GOLGA2: variants seen among roughly 807,000 people sequenced by gnomAD.
The protein encoded by GOLGA2 is golgin A2.
Under a neutral mutation model 148.8 loss-of-function variants are expected in GOLGA2, and 49 were observed. The observed-to-expected ratio is 0.33, with a 90% CI of 0.26 to 0.42. GOLGA2 has a LOEUF of 0.42. Among genes scored for constraint, GOLGA2 ranks in the 10% least tolerant of loss-of-function variants. The pLI is 1.00. For synonymous variants in GOLGA2, 501 were observed against 511.8 expected, an observed-to-expected ratio of 0.98 and a Z score of 0.28; for missense variants, 1,178 against 1,304.6, an observed-to-expected ratio of 0.90 and a Z score of 1.49.
At position 128,273,878 on chromosome 9, in the gene GOLGA2, G is replaced by A; in HGVS notation, c.179C>T (p.Thr60Ile). 2 of 1,614,148 alleles carry A rather than the reference G, an allele frequency of 1.2e-6. No homozygotes were observed. The highest frequency in any genetic ancestry group is 1.7e-6 in the Non-Finnish European group (2 of 1,179,980). The change falls in exon 2 of 27, where the codon ACT becomes ATT. Residue 60 changes from threonine to isoleucine, a missense_variant. Transcript: ENST00000611957. The stretch of plus-strand genomic sequence containing the variant: ...CTCAGGTGAGTGGCAACCACCAGAA[G>A]TGGTTGTCTCAGGGTTACTGCCATT... ...IKNGSNPETT[T>I]SGGCHSPEDI...
chr9:128,272,622 C>A (rs1831023308), intron 3 of GOLGA2, among the ~76,000 whole-genome samples, 163 bp downstream of exon 3: 1 of 152,050 alleles, frequency 6.6e-6, no homozygotes, highest in Non-Finnish European at 1.5e-5. Flanking sequence ...AGAATAAAAA[C>A]CCAATCAATC....
intron 1 of GOLGA2, among the ~76,000 whole-genome samples, chr9:128,274,870 G>A (rs533028917): frequency 3.9e-5 from 6 of 152,308 alleles, no homozygotes; most frequent in Non-Finnish European, 8.8e-5. Flanking sequence ...AAGTACCCCA[G>A]GTTGAGATGA....
intron 4 of GOLGA2, 91 bp from the exon 5 acceptor site, chr9:128,268,251 CA>C: frequency 1.6e-6 from 2 of 1,234,154 alleles, no homozygotes; most frequent in Non-Finnish European, 2.4e-6. Context: ...CTCATTCTAA[CA>C]ATCTTCAATC....
intron 2 of GOLGA2, among the ~76,000 whole-genome samples, chr9:128,273,453 C>T (rs1831082644): frequency 1.3e-5 from 2 of 152,294 alleles, no homozygotes; most frequent in East Asian, 1.9e-4. Flanking sequence ...CTTTCAGTGA[C>T]TCCTAAAGGG....
At chr9:128,275,241 G>C in intron 1 of GOLGA2, 1 of 596,468 alleles carries the variant, frequency 1.7e-6, no homozygotes, top group East Asian at 3.3e-5. Context: ...GGAAATTTAT[G>C]CTGTGACCAG....
At chr9:128,263,145 C>T (rs1830379216) in intron 12 of GOLGA2, 53 bp from the exon 13 acceptor site, 1 of 1,102,234 alleles carries the variant, frequency 9.1e-7, no homozygotes, top group Non-Finnish European at 1.4e-6. Context: ...GAGCAGCTGG[C>T]CAACCAGTAA....
Position 128,260,169 on chromosome 9 carries a change from G to C in GOLGA2, c.1779C>G (p.Ile593Met). 6.2e-7 allele frequency: 1 copy of C among 1,607,986 alleles called. No homozygotes were observed. The highest frequency in any genetic ancestry group is 8.5e-7 in the Non-Finnish European group (1 of 1,178,692). ...FVKLTNENME[I>M]TSALQSEQHV... ...GCTGCTCCGACTGCAGTGCGCTGGT[G>C]ATCTCCATGTTCTCATTAGTCTGGA... Residue 593 changes from isoleucine to methionine, a missense_variant, in exon 19 of 27, where the codon ATC becomes ATG. Around this residue, in one of 5 missense-constraint regions of GOLGA2, gnomAD observed 529 missense variants for 521.8 expected, o/e 1.01. Coordinates refer to ENST00000611957, the MANE Select transcript of GOLGA2 (RefSeq NM_001366244.2). This position sits in a 1 kb window ranked among gnomAD's most constrained non-coding sequence, Gnocchi z 4.8.
chr9:128,274,737 G>T lies in GOLGA2; in HGVS notation c.85-765C>A, dbSNP rs889313827. ...CAAGCCTCATTTCAGAGAAAAGTCT[G>T]GTATACTCTTAGAAATTTATGTGAC... On this transcript the variant is annotated intron_variant, in intron 1 of 26. Coordinates refer to ENST00000611957, the MANE Select transcript of GOLGA2 (RefSeq NM_001366244.2). 3.3e-5 allele frequency among the ~76,000 whole-genome samples: 5 copies of T among 152,136 alleles called. No individual in the cohort carries two copies. The East Asian group carries it at 9.6e-4, about 29-fold the overall frequency.
chr9:128,261,036 T>C lies in GOLGA2; in HGVS notation c.1420+136A>G. On this transcript the variant is annotated intron_variant, in intron 17 of 26. Coordinates refer to ENST00000611957, the MANE Select transcript of GOLGA2 (RefSeq NM_001366244.2). The surrounding 1 kb of genome is among the most constrained non-coding windows in gnomAD (Gnocchi z 5.7). ...TGAGGCTCATGGAGATGACGAGACTTGCCATCTCCTGGCACAGACCTCTTT... is the reference window on the plus strand; with the variant it reads ...TGAGGCTCATGGAGATGACGAGACTCGCCATCTCCTGGCACAGACCTCTTT... The C allele has an allele frequency of 1.4e-6, 1 of 740,428 alleles. No homozygotes were observed. Among genetic ancestry groups the C allele is most frequent in the Non-Finnish European group, 2.4e-6 (1 of 414,838 alleles). The allele number at this position is 740,428 out of a possible 1,614,324, so 45.9% of individuals were successfully genotyped here. A position where few individuals can be genotyped will look rare whatever the true frequency, so the allele number is the denominator to read the frequency against.
intron 6 of GOLGA2, 39 bp from the exon 7 acceptor site, chr9:128,267,556 C>T (rs761372249): frequency 6.8e-7 from 1 of 1,477,762 alleles, no homozygotes; most frequent in East Asian, 2.3e-5. Flanking sequence ...TGTTCTGTCC[C>T]CTCAGTGTCT....
Position 128,260,186 on chromosome 9 carries a change from T to C in GOLGA2, c.1762A>G (p.Asn588Asp), listed in dbSNP as rs1227009397. The change falls in exon 19 of 27, where the codon AAT becomes GAT. Residue 588 changes from asparagine to aspartate, a missense_variant. Physicochemically the swap from Asn to Asp is conservative, Grantham distance 23. Around this residue, in one of 5 missense-constraint regions of GOLGA2, gnomAD observed 529 missense variants for 521.8 expected, o/e 1.01. Transcript: ENST00000611957. The surrounding 1 kb of genome is among the most constrained non-coding windows in gnomAD (Gnocchi z 4.8). ...GCGCTGGTGATCTCCATGTTCTCATTAGTCTGGACAGAGAGAAGCAATCAG... is the reference window on the plus strand; with the variant it reads ...GCGCTGGTGATCTCCATGTTCTCATCAGTCTGGACAGAGAGAAGCAATCAG... Reference protein sequence around the residue: ...ELQSGFVKLTNENMEITSALQ... With the variant: ...ELQSGFVKLTDENMEITSALQ... 1 of 1,601,434 alleles carries C rather than the reference T, an allele frequency of 6.2e-7. No homozygotes were observed. Among genetic ancestry groups the C allele is most frequent in the East Asian group, 2.2e-5 (1 of 44,856 alleles).
In GOLGA2 at chr9:128,265,552, A is replaced by G. The variant is rs543650792; in HGVS notation, c.933+33T>C. 6.6e-5 allele frequency: 96 copies of G among 1,459,234 alleles called. No homozygotes were observed. The South Asian group carries it at 9.4e-4, about 14-fold the overall frequency. 90.4% of individuals were successfully genotyped at this position (1,459,234 alleles called of 1,614,324 possible). A position where few individuals can be genotyped will look rare whatever the true frequency, so the allele number is the denominator to read the frequency against. ...TCACTCCTCCATCTGGGAAGCCAGT[A>G]TGCCAGGGGACGGGGCAGGCAGTTG... On this transcript the variant is annotated intron_variant, in intron 12 of 26. Transcript: ENST00000611957.
chr9:128,267,856 CTCTT>C, intron 6 of GOLGA2, 74 bp downstream of exon 6: 1 of 1,176,440 alleles, frequency 8.5e-7, no homozygotes, highest in African/African-American at 1.5e-5. Context: ...TCTTCCCTCT[CTCTT>C]GTGAATCCCT....
At position 128,261,767 on chromosome 9, in the gene GOLGA2, G is replaced by A; in HGVS notation, c.1135-10C>T. 1 of 1,589,358 alleles carries A rather than the reference G, an allele frequency of 6.3e-7. No individual in the cohort carries two copies. Among genetic ancestry groups the A allele is most frequent in the South Asian group, 1.1e-5 (1 of 90,596 alleles). On this transcript the variant is annotated splice_polypyrimidine_tract_variant and intron_variant, in intron 14 of 26. Transcript: ENST00000611957. This position sits in a 1 kb window ranked among gnomAD's most constrained non-coding sequence, Gnocchi z 5.7. ...CACACCGGCTTGAAAACTGGATGGT[G>A]AAGAGCGAGAAGTTTAGATCTGGGG...
chr9:128,259,163 T>G lies in GOLGA2; in HGVS notation c.2097+4A>C, dbSNP rs1309977101. On this transcript the variant is annotated splice_donor_region_variant and intron_variant, in intron 20 of 26. Coordinates refer to ENST00000611957, the MANE Select transcript of GOLGA2 (RefSeq NM_001366244.2). ...CGGGGCCCTGCCCTCACCAACTCCC[T>G]CACCTGGGTTTCCTGCAACTCTTGG... 1 of 1,603,852 alleles carries G rather than the reference T, an allele frequency of 6.2e-7. No homozygotes were observed. The highest frequency in any genetic ancestry group is 1.1e-5 in the South Asian group (1 of 89,976).
Position 128,257,275 on chromosome 9 carries a change from C to A in GOLGA2, c.2882G>T (p.Cys961Phe). 10 of 1,612,832 alleles carry A rather than the reference C, an allele frequency of 6.2e-6. No individual in the cohort carries two copies. Among genetic ancestry groups the A allele is most frequent in the Non-Finnish European group, 8.5e-6 (10 of 1,179,744 alleles). The change falls in exon 27 of 27, where the codon TGC becomes TTC. Residue 961 changes from cysteine (C) to phenylalanine (F), a missense_variant. Physicochemically the swap from Cys to Phe is radical, Grantham distance 205. Transcript: ENST00000611957. The surrounding 1 kb of genome is among the most constrained non-coding windows in gnomAD (Gnocchi z 8.0). ...LGAANQQGDL[C>F]EVSLAGSVEP... ...CACACTGCCGGCGAGGCTCACCTCG[C>A]AAAGATCTTTGGAGAGAGAGAGGCA...
rs989876646 is a variant in GOLGA2, at chr9:128,267,156, T to C, written c.642+38A>G. On this transcript the variant is annotated intron_variant, in intron 8 of 26. Transcript: ENST00000611957. ...CCAAGGGGAAACTGGAGCCCAGGAT[T>C]AGCAGCATGGAATCAGGGGACCCCA... The C allele has an allele frequency of 3.1e-6, 4 of 1,276,944 alleles. No homozygotes were observed. The Admixed American group carries it at 6.7e-5, about 21-fold the overall frequency. The allele number at this position is 1,276,944 out of a possible 1,614,324, so 79.1% of individuals were successfully genotyped here. A position where few individuals can be genotyped will look rare whatever the true frequency, so the allele number is the denominator to read the frequency against.
At position 128,266,224 on chromosome 9, in the gene GOLGA2, C is replaced by T; in HGVS notation, c.681+63G>A. On this transcript the variant is annotated intron_variant, in intron 9 of 26. Coordinates refer to ENST00000611957, the MANE Select transcript of GOLGA2 (RefSeq NM_001366244.2). This position sits in a 1 kb window ranked among gnomAD's most constrained non-coding sequence, Gnocchi z 4.2. ...AGTGGGTGAGACGAGACTGAGGCCT[C>T]TACATTTGAATGCCCCCCAAACCCA... The T allele has an allele frequency of 6.7e-7, 1 of 1,483,660 alleles. No individual in the cohort carries two copies. The highest frequency in any genetic ancestry group is 9.4e-7 in the Non-Finnish European group (1 of 1,061,944). The allele number at this position is 1,483,660 out of a possible 1,614,324, so 91.9% of individuals were successfully genotyped here. A position where few individuals can be genotyped will look rare whatever the true frequency, so the allele number is the denominator to read the frequency against.
Position 128,257,672 on chromosome 9 carries a change from C to T in GOLGA2, c.2647G>A (p.Val883Met), listed in dbSNP as rs1829972999. The T allele has an allele frequency of 6.2e-7, 1 of 1,614,190 alleles. No homozygotes were observed. The highest frequency in any genetic ancestry group is 8.5e-7 in the Non-Finnish European group (1 of 1,180,014). The change falls in exon 25 of 27, where the codon GTG becomes ATG. Residue 883 changes from valine to methionine, a missense_variant. Val to Met is a conservative substitution (Grantham distance 21, BLOSUM62 1). Around this residue, in one of 5 missense-constraint regions of GOLGA2, gnomAD observed 38 missense variants for 67.3 expected, o/e 0.56. Coordinates refer to ENST00000611957, the MANE Select transcript of GOLGA2 (RefSeq NM_001366244.2). The surrounding 1 kb of genome is among the most constrained non-coding windows in gnomAD (Gnocchi z 8.0). ...YIALYQSQRA[V>M]LKERHREKEE... Reference sequence around the variant, plus strand: ...TTCTCCCGGTGCCGCTCCTTCAGCACTGCCCTCTGGCTCTGGTACAGTGCA... The same window carrying T: ...TTCTCCCGGTGCCGCTCCTTCAGCATTGCCCTCTGGCTCTGGTACAGTGCA...
Sources: allele counts gnomAD v4.1 joint callset (sites outside exome capture counted in the v4.1 genomes callset), GRCh38; gene constraint gnomAD v4.1.1; regional missense constraint gnomAD v4.1.1; non-coding constraint Gnocchi (gnomAD v3.1); transcripts MANE v1.5; gene names NCBI Gene and HGNC (gene_info 2026-07-23, HGNC 2026-07-21).